Variants in SLBP observed in about 807,000 individuals in gnomAD.
The protein encoded by SLBP is stem-loop histone mRNA binding protein, also known as histone RNA hairpin-binding protein.
SLBP carries 29 observed loss-of-function variants against 39.2 expected under a neutral mutation model. The ratio of observed to expected loss-of-function variants is 0.74; its 90% CI spans 0.55 to 1.01. SLBP has a LOEUF of 1.01. SLBP is among the 50% of genes least tolerant of loss of function. The pLI, the probability that SLBP is intolerant of heterozygous loss-of-function variation, is 0.00. For synonymous variants in SLBP, 129 were observed against 118.7 expected (o/e 1.09, Z -0.57); for missense variants, 390 against 350.2 (o/e 1.11, Z -0.91).
At chr4:1,703,299 A>G (rs1248291515) in intron 3 of SLBP, among the ~76,000 whole-genome samples, 1 of 151,488 alleles carries the variant, frequency 6.6e-6, no homozygotes, top group Non-Finnish European at 1.5e-5. Context: ...CAGCAGTAAC[A>G]CCATTGTGCA....
At chr4:1,710,911 C>T (rs993558258) in intron 2 of SLBP, among the ~76,000 whole-genome samples, 10 of 151,870 alleles carry the variant, frequency 6.6e-5, no homozygotes, top group African/African-American at 1.5e-4. Flanking sequence ...GTTAGCCGGG[C>T]GCGGTGGCAT....
chr4:1,710,653 T>C (rs897944479), intron 2 of SLBP, among the ~76,000 whole-genome samples: 2 of 152,152 alleles, frequency 1.3e-5, no homozygotes, highest in East Asian at 3.8e-4. Context: ...GTCAATTATG[T>C]ATTCCTAGTG....
intron 3 of SLBP, 143 bp from the exon 4 acceptor site, chr4:1,700,213 G>T: frequency 2.3e-6 from 1 of 425,614 alleles, no homozygotes; most frequent in Non-Finnish European, 4.1e-6. Context: ...ATCTTTGTCA[G>T]GTTCAGTTTA....
chr4:1,694,651 A>G (rs1716039106), intron 7 of SLBP, 123 bp downstream of exon 7: 2 of 725,258 alleles, frequency 2.8e-6, no homozygotes, highest in Non-Finnish European at 5.0e-6. Flanking sequence ...TTGGCCTCCC[A>G]AGGTGCTGGG....
intron 3 of SLBP, among the ~76,000 whole-genome samples, chr4:1,701,958 A>T (rs138639678): frequency 6.6e-6 from 1 of 152,210 alleles, no homozygotes; most frequent in African/African-American, 2.4e-5. Context: ...CAAAGGGTAT[A>T]ATCAACAGAG....
chr4:1,702,229 G>C (rs1273319203), intron 3 of SLBP, among the ~76,000 whole-genome samples: 1 of 152,154 alleles, frequency 6.6e-6, no homozygotes, highest in Non-Finnish European at 1.5e-5. Context: ...AATTGAGGAA[G>C]TCAAGACCTA....
chr4:1,694,989 T>C (rs1448112034), intron 6 of SLBP, 149 bp from the exon 7 acceptor site: 4 of 639,926 alleles, frequency 6.3e-6, no homozygotes, highest in African/African-American at 1.8e-5. Context: ...CAGTGACTAT[T>C]TGACAGACTT....
chr4:1,701,139 TTTTTTTC>T (rs1560249358), intron 3 of SLBP, among the ~76,000 whole-genome samples: 3 of 126,586 alleles, frequency 2.4e-5, no homozygotes, highest in East Asian at 2.9e-4. Flanking sequence ...TCCATTTTCT[TTTTTTTC>T]TTTTTTTTTT....
intron 6 of SLBP, among the ~76,000 whole-genome samples, chr4:1,695,771 T>C (rs1208020773): frequency 1.9e-4 from 27 of 139,058 alleles, no homozygotes; most frequent in African/African-American, 6.4e-4. Flanking sequence ...ACAGAGCATC[T>C]CCCAAAAAAA....
intron 2 of SLBP, among the ~76,000 whole-genome samples, chr4:1,708,295 C>T (rs985623864): frequency 6.6e-6 from 1 of 152,110 alleles, no homozygotes; most frequent in East Asian, 1.9e-4. Flanking sequence ...AAATAAGCAA[C>T]CTATTTTAGC....
In SLBP at chr4:1,694,833, C is replaced by G; in HGVS notation, c.637G>C (p.Val213Leu). 1 of 1,612,852 alleles carries G rather than the reference C, an allele frequency of 6.2e-7. No homozygotes were observed. The highest frequency in any genetic ancestry group is 8.5e-7 in the Non-Finnish European group (1 of 1,178,826). ...EGCDLQEIHP[V>L]DLESAESSSE... The stretch of plus-strand genomic sequence containing the variant: ...CTGCTTTCTGCAGATTCAAGGTCTA[C>G]AGGGTGTCTGTTAAACAAGATCCAA... The change falls in exon 7 of 8, where the codon GTA becomes CTA. Residue 213 changes from valine (V) to leucine (L), a missense_variant. Physicochemically the swap from Val to Leu is conservative, Grantham distance 32. Coordinates refer to ENST00000489418, the MANE Select transcript of SLBP (RefSeq NM_006527.4).
intron 3 of SLBP, among the ~76,000 whole-genome samples, chr4:1,701,158 T>TTC (rs1344473470): frequency 6.7e-6 from 1 of 149,590 alleles, no homozygotes; most frequent in African/African-American, 2.4e-5. Flanking sequence ...TTTTTTTTTT[T>TTC]TTTTTGAGAC....
chr4:1,698,620 G>C (rs1453330270), intron 5 of SLBP, among the ~76,000 whole-genome samples: 1 of 151,090 alleles, frequency 6.6e-6, no homozygotes, highest in Non-Finnish European at 1.5e-5. Context: ...GAGTAGCTGG[G>C]ACTACAAATG....
chr4:1,711,822 G>T, intron 2 of SLBP, 52 bp downstream of exon 2: 1 of 1,000,864 alleles, frequency 1.0e-6, no homozygotes, highest in Non-Finnish European at 1.3e-6. Context: ...CCTGGAGCCC[G>T]CGGCCTCGTC....
At chr4:1,701,957 T>A (rs1716345252) in intron 3 of SLBP, among the ~76,000 whole-genome samples, 1 of 152,104 alleles carries the variant, frequency 6.6e-6, no homozygotes, top group African/African-American at 2.4e-5. Flanking sequence ...ACAAAGGGTA[T>A]AATCAACAGA....
At chr4:1,707,088 G>A (rs1323133215) in intron 2 of SLBP, among the ~76,000 whole-genome samples, 30 of 149,832 alleles carry the variant, frequency 2.0e-4, no homozygotes, top group African/African-American at 6.3e-4. Context: ...GCGCGGTGGC[G>A]GGCGCCTGTA....
intron 5 of SLBP, 118 bp downstream of exon 5, chr4:1,699,442 TTAAA>T (rs1716242743): frequency 1.2e-6 from 1 of 851,304 alleles, no homozygotes; most frequent in South Asian, 2.0e-5. Flanking sequence ...TAAGTCCCTA[TTAAA>T]TAGCTCTTAG....
chr4:1,705,492 GTTTTA>G (rs895652775), intron 2 of SLBP, among the ~76,000 whole-genome samples: 14 of 152,134 alleles, frequency 9.2e-5, no homozygotes, highest in African/African-American at 2.2e-4. Context: ...TAGACTACTT[GTTTTA>G]TTTTGTCAGA....
chr4:1,701,775 C>T (rs1032793692), intron 3 of SLBP, among the ~76,000 whole-genome samples: 4 of 152,130 alleles, frequency 2.6e-5, no homozygotes, highest in Admixed American at 2.6e-4. Flanking sequence ...GACGTGGTGG[C>T]ACACAGCTAT....
Sources: allele counts gnomAD v4.1 joint callset (sites outside exome capture counted in the v4.1 genomes callset), GRCh38; gene constraint gnomAD v4.1.1; transcripts MANE v1.5; gene names NCBI Gene and HGNC (gene_info 2026-07-23, HGNC 2026-07-21).